The following RC3H1 variants were observed in gnomAD, a reference collection of about 807,000 sequenced individuals.
The protein encoded by RC3H1 is roquin-1.
Under a neutral mutation model 138.2 loss-of-function variants are expected in RC3H1, and 50 were observed. That is an observed-to-expected ratio of 0.36 (90% CI 0.29 to 0.46). The LOEUF (loss-of-function observed/expected upper bound fraction) is 0.46. Ranked by LOEUF, RC3H1 falls within the 20% of genes least tolerant of loss-of-function variation. RC3H1 has a pLI of 1.00. For synonymous variants in RC3H1, 462 were observed against 489.1 expected (o/e 0.94, Z 0.73); for missense variants, 1,031 against 1,388.1 (o/e 0.74, Z 4.09).
intron 19 of RC3H1, 54 bp downstream of exon 19, chr1:173,941,211 A>G: frequency 2.1e-6 from 2 of 967,100 alleles, no homozygotes; most frequent in Non-Finnish European, 3.3e-6. Context: ...ATAATATATT[A>G]GTTTCTCTTT....
chr1:173,980,785 A>G (rs1160019401), intron 6 of RC3H1, 24 bp downstream of exon 6: 1 of 1,579,616 alleles, frequency 6.3e-7, no homozygotes, highest in Non-Finnish European at 8.7e-7. Flanking sequence ...TAGTCTAAGA[A>G]GTAAGGAACA....
At chr1:173,993,375 T>G (rs1033941122) in intron 1 of RC3H1, among the ~76,000 whole-genome samples, 3 of 151,724 alleles carry the variant, frequency 2.0e-5, no homozygotes, top group African/African-American at 7.3e-5. Flanking sequence ...ATAATAAAGT[T>G]CCATCCAGGA....
At chr1:173,975,722 C>A (rs1660547566) in intron 7 of RC3H1, among the ~76,000 whole-genome samples, 1 of 75,318 alleles carries the variant, frequency 1.3e-5, no homozygotes, top group Non-Finnish European at 2.1e-5. Flanking sequence ...CAAGGTGAAA[C>A]CCCGTCTCTA....
intron 1 of RC3H1, among the ~76,000 whole-genome samples, chr1:173,996,953 G>A (rs1207975132): frequency 6.6e-6 from 1 of 151,980 alleles, no homozygotes; most frequent in Non-Finnish European, 1.5e-5. Context: ...GGCACTGCCA[G>A]GCATGGTGGT....
At position 173,947,624 on chromosome 1, in the gene RC3H1, C is replaced by T. The variant is rs377331689; in HGVS notation, c.2524-42G>A. On this transcript the variant is annotated intron_variant, in intron 14 of 19. Transcript: ENST00000367696. ...ATGAGAAATTACCCCACACTCAGAT[C>T]GCTCTGTAACCTAATTTTTTCTAGA... is the stretch of plus-strand genomic sequence containing the variant. The T allele has an allele frequency of 1.5e-5, 22 of 1,483,290 alleles. No homozygotes were observed. The East Asian group carries it at 2.9e-4, about 20-fold the overall frequency. The allele number at this position is 1,483,290 out of a possible 1,614,324, so 91.9% of individuals were successfully genotyped here. A position where few individuals can be genotyped will look rare whatever the true frequency, so the allele number is the denominator to read the frequency against.
chr1:173,974,889 G>A (rs1192712969), intron 7 of RC3H1, among the ~76,000 whole-genome samples: 1 of 152,122 alleles, frequency 6.6e-6, no homozygotes. Flanking sequence ...TAGCAGTGAA[G>A]GTAAATGGAT....
At position 173,937,620 on chromosome 1, in the gene RC3H1, CTACT is replaced by C. The variant is rs1658662041; in HGVS notation, c.*1097_*1100del. The C allele has an allele frequency of 6.6e-6, 1 of 151,984 alleles. No homozygotes were observed. Among genetic ancestry groups the C allele is most frequent in the Admixed American group, 6.6e-5 (1 of 15,238 alleles). The allele number at this position is 151,984 out of a possible 1,614,324, so 9.4% of individuals were successfully genotyped here. A position where few individuals can be genotyped will look rare whatever the true frequency, so the allele number is the denominator to read the frequency against. On this transcript the variant is annotated 3_prime_UTR_variant, in exon 20 of 20. Coordinates refer to ENST00000367696, the MANE Select transcript of RC3H1 (RefSeq NM_172071.4). ...AAAATGACTTCAAACTATTTCCTAC[CTACT>C]TATACTAATGATTCTGAGCAACAAG...
At chr1:173,989,407 T>G (rs1557945837) in intron 2 of RC3H1, among the ~76,000 whole-genome samples, 1 of 152,220 alleles carries the variant, frequency 6.6e-6, no homozygotes, top group African/African-American at 2.4e-5. Context: ...TTTGCCATGT[T>G]GCCTAGGCTG....
chr1:174,003,329 G>A (rs1428574409), intron 1 of RC3H1, among the ~76,000 whole-genome samples: 2 of 151,688 alleles, frequency 1.3e-5, no homozygotes, highest in Non-Finnish European at 2.9e-5. Context: ...GGAAGTTGCA[G>A]TGAGCCGAGA....
At chr1:174,015,619 C>A (rs1265207634) in intron 1 of RC3H1, among the ~76,000 whole-genome samples, 1 of 151,816 alleles carries the variant, frequency 6.6e-6, no homozygotes, top group Non-Finnish European at 1.5e-5. Flanking sequence ...CCCGCCTCAG[C>A]CTCCCGAAGT....
rs770517922 is a variant in RC3H1 at position 173,952,123 on chromosome 1, A to G, written c.2386T>C (p.Leu796=). 6.5e-7 allele frequency: 1 copy of G among 1,540,656 alleles called. No individual in the cohort carries two copies. The highest frequency in any genetic ancestry group is 8.7e-7 in the Non-Finnish European group (1 of 1,143,516). Residue 796 remains leucine, a synonymous_variant, in exon 14 of 20, where the codon TTG becomes CTG. Transcript: ENST00000367696. ...FHPEEFLDED[L]KVAGKYKGND... ...CCTTTGTATTTCCCAGCTACCTTCAAGTCTTCATCCAAAAACTACAGATGG... is the reference window on the plus strand; with the variant it reads ...CCTTTGTATTTCCCAGCTACCTTCAGGTCTTCATCCAAAAACTACAGATGG...
chr1:173,947,024 T>C (rs150022440), intron 15 of RC3H1, among the ~76,000 whole-genome samples, 188 bp from the exon 16 acceptor site: 2,038 of 152,306 alleles, frequency 0.013, 48 homozygotes, highest in African/African-American at 0.045. Flanking sequence ...GGTGCTGATA[T>C]ATGTTTGTTT....
At position 173,968,774 on chromosome 1, in the gene RC3H1, T is replaced by C. The variant is rs1040511904; in HGVS notation, c.1334+1731A>G. Among the ~76,000 whole-genome samples, 6 of 152,268 alleles carry C rather than the reference T, an allele frequency of 3.9e-5. No homozygotes were observed. In the South Asian group the frequency reaches 1.0e-3, roughly 26 times the overall value. ...ATATTTTACTAATTAAGCATCATAC[T>C]ATTATGTTGGCTTCTGATTTATAAT... On this transcript the variant is annotated intron_variant, in intron 9 of 19. Coordinates refer to ENST00000367696, the MANE Select transcript of RC3H1 (RefSeq NM_172071.4).
At chr1:173,983,706 A>G (rs749059066) in intron 3 of RC3H1, 49 bp from the exon 4 acceptor site, 13 of 1,594,388 alleles carry the variant, frequency 8.2e-6, no homozygotes, top group Non-Finnish European at 1.1e-5. Context: ...GCAATTTTAC[A>G]GTCCAGGAGC....
chr1:173,964,137 G>A lies in RC3H1; in HGVS notation c.1667C>T (p.Ser556Phe). Residue 556 changes from serine (S) to phenylalanine (F), a missense_variant, in exon 11 of 20, where the codon TCT (serine) becomes TTT (phenylalanine). By Grantham distance (155) the Ser-to-Phe change is radical. Transcript: ENST00000367696. ...ATCTGCTGGCCCCCTTGGAGGTATA[G>A]AATGTGGATTCACAGGTAAGGCAGA... ...SISALPVNPH[S>F]IPPRGPADLP... 6.2e-7 allele frequency: 1 copy of A among 1,614,108 alleles called. No individual in the cohort carries two copies. Among genetic ancestry groups the A allele is most frequent in the Non-Finnish European group, 8.5e-7 (1 of 1,179,986 alleles).
At chr1:173,956,041 GAATCAC>G (rs1262743821) in intron 13 of RC3H1, among the ~76,000 whole-genome samples, 1 of 148,412 alleles carries the variant, frequency 6.7e-6, no homozygotes, top group Non-Finnish European at 1.5e-5. Context: ...TGAAGCAGGA[GAATCAC>G]TTGAACCTGG....
chr1:173,983,652 C>A lies in RC3H1; in HGVS notation c.358G>T (p.Gly120Cys). ...LKPLSSARGVGLNSTTQSVLS... is the reference protein window; with the variant it reads ...LKPLSSARGVCLNSTTQSVLS... ...ACACTCTGAGTAGTGCTGTTCAGAC[C>A]CACTCCTTTAAAAGAGTAAAGAAGT... The change falls in exon 4 of 20, where the codon GGT becomes TGT. Residue 120 changes from glycine to cysteine, a missense_variant. This residue lies in a region of RC3H1 where 80 missense variants were observed against 81.1 expected (regional missense o/e 0.99). Transcript: ENST00000367696. 6.2e-7 allele frequency: 1 copy of A among 1,613,882 alleles called. No individual in the cohort carries two copies. The highest frequency in any genetic ancestry group is 8.5e-7 in the Non-Finnish European group (1 of 1,179,940).
chr1:173,961,357 C>T, intron 12 of RC3H1, 113 bp from the exon 13 acceptor site: 1 of 874,660 alleles, frequency 1.1e-6, no homozygotes, highest in Non-Finnish European at 1.7e-6. Context: ...CCCTTCTTAA[C>T]ATTTGGAAAC....
Position 173,961,229 on chromosome 1 carries a change from G to A in RC3H1, c.2218C>T (p.Arg740Trp), listed in dbSNP as rs765310014. 3.5e-5 allele frequency: 57 copies of A among 1,608,166 alleles called. No individual in the cohort carries two copies. Among genetic ancestry groups the A allele is most frequent in the Non-Finnish European group, 4.6e-5 (54 of 1,178,530 alleles). ...TGAGGCTGGGGAGGAGGAGGAAGCCGGCTATAAGGAGGTTCCTAAAAATAG... is the reference window on the plus strand; with the variant it reads ...TGAGGCTGGGGAGGAGGAGGAAGCCAGCTATAAGGAGGTTCCTAAAAATAG... ...PSYLREPPYS[R>W]LPPPPQPHPS... Residue 740 changes from arginine to tryptophan, a missense_variant, in exon 13 of 20, where the codon CGG becomes TGG. Physicochemically the swap from Arg to Trp is moderately radical, Grantham distance 101. Coordinates refer to ENST00000367696, the MANE Select transcript of RC3H1 (RefSeq NM_172071.4).
Sources: allele counts gnomAD v4.1 joint callset (sites outside exome capture counted in the v4.1 genomes callset), GRCh38; gene constraint gnomAD v4.1.1; regional missense constraint gnomAD v4.1.1; transcripts MANE v1.5; gene names NCBI Gene and HGNC (gene_info 2026-07-23, HGNC 2026-07-21).